HADHA: variants seen among roughly 807,000 people sequenced by gnomAD.
The protein encoded by HADHA is hydroxyacyl-CoA dehydrogenase trifunctional multienzyme complex subunit alpha.
A neutral mutation model predicts 91.3 loss-of-function variants in HADHA; 59 were observed. The ratio of observed to expected loss-of-function variants is 0.65; its 90% CI spans 0.52 to 0.80. The LOEUF is 0.80. HADHA is among the 30% of genes least tolerant of loss of function. HADHA has a pLI of 0.00. For missense variants in HADHA, 800 were observed against 927.6 expected, an observed-to-expected ratio of 0.86 and a Z score of 1.79; for synonymous variants, 320 against 338.9, an observed-to-expected ratio of 0.94 and a Z score of 0.61.
At chr2:26,200,685 T>C (rs1669806364) in intron 13 of HADHA, among the ~76,000 whole-genome samples, 1 of 152,178 alleles carries the variant, frequency 6.6e-6, no homozygotes, top group Non-Finnish European at 1.5e-5. Context: ...TTATAACATA[T>C]GCAGTGTGCA....
In HADHA at chr2:26,222,175, C is replaced by T. The variant is rs536023498; in HGVS notation, c.677-7000G>A. Among the ~76,000 whole-genome samples, 3 of 152,148 alleles carry T rather than the reference C, an allele frequency of 2.0e-5. No individual in the cohort carries two copies. In the South Asian group the frequency reaches 6.2e-4, roughly 32 times the overall value. On this transcript the variant is annotated intron_variant, in intron 7 of 19. Transcript: ENST00000380649. ...CTTATGAGAAGAAAAAATTTGGAAA[C>T]ACAAAAGAGATGCCAGGGATGTGCA... is the stretch of plus-strand genomic sequence containing the variant.
intron 16 of HADHA, 112 bp downstream of exon 16, chr2:26,194,458 G>C: frequency 1.3e-6 from 1 of 769,948 alleles, no homozygotes; most frequent in Non-Finnish European, 2.3e-6. Flanking sequence ...TCCTAGACAA[G>C]AGCAGGAGTT....
intron 19 of HADHA, 23 bp from the exon 20 acceptor site, chr2:26,191,418 G>A (rs1055722662): frequency 1.2e-5 from 19 of 1,614,052 alleles, no homozygotes; most frequent in African/African-American, 8.0e-5. Context: ...AGAGGACTTC[G>A]TTGAAGGAGA....
chr2:26,240,496 T>C (rs1231249373), intron 1 of HADHA, among the ~76,000 whole-genome samples: 1 of 152,064 alleles, frequency 6.6e-6, no homozygotes, highest in East Asian at 1.9e-4. Context: ...AGGGGATAGG[T>C]AATTCTAGCA....
chr2:26,241,044 T>G (rs1013669723), intron 1 of HADHA, among the ~76,000 whole-genome samples: 1 of 152,186 alleles, frequency 6.6e-6, no homozygotes, highest in African/African-American at 2.4e-5. Flanking sequence ...ACTACCTAAC[T>G]GCAGAGCTTA....
Position 26,214,623 on chromosome 2 carries a change from T to C in HADHA, c.800-62A>G. On this transcript the variant is annotated intron_variant, in intron 8 of 19. Coordinates refer to ENST00000380649, the MANE Select transcript of HADHA (RefSeq NM_000182.5). The surrounding 1 kb of genome is among the most constrained non-coding windows in gnomAD (Gnocchi z 4.1). ...GAGCCTAGATTCCCTTGTTAGTTTA[T>C]GCTCTAAACTCTATAAAAATGAAGT... The C allele has an allele frequency of 1.2e-6, 1 of 868,712 alleles. No individual in the cohort carries two copies. The highest frequency in any genetic ancestry group is 2.4e-5 in the East Asian group (1 of 41,548). 53.8% of individuals were successfully genotyped at this position (868,712 alleles called of 1,614,324 possible). A position where few individuals can be genotyped will look rare whatever the true frequency, so the allele number is the denominator to read the frequency against.
chr2:26,206,521 A>G (rs71441017), intron 11 of HADHA, among the ~76,000 whole-genome samples: 1 of 152,136 alleles, frequency 6.6e-6, no homozygotes, highest in Non-Finnish European at 1.5e-5. Context: ...AAGCCACCAC[A>G]CCTGGCCAAA....
At chr2:26,234,490 A>G (rs1574625285) in intron 4 of HADHA, 135 bp from the exon 5 acceptor site, 2 of 814,460 alleles carry the variant, frequency 2.5e-6, no homozygotes, top group East Asian at 5.3e-5. Flanking sequence ...AAGGTTAAGA[A>G]TGATTTTGCT....
At chr2:26,213,195 A>G (rs1313113505) in intron 9 of HADHA, among the ~76,000 whole-genome samples, 1 of 152,184 alleles carries the variant, frequency 6.6e-6, no homozygotes, top group Non-Finnish European at 1.5e-5. Flanking sequence ...TCTGAACTCA[A>G]TATATCTGAA....
chr2:26,214,373 G>A lies in HADHA; in HGVS notation c.918+70C>T. The stretch of plus-strand genomic sequence containing the variant: ...TACTCAACATACATGGTCCAGAATG[G>A]CAATAAGGAGGAGTGATCTATATAA... On this transcript the variant is annotated intron_variant, in intron 9 of 19. Coordinates refer to ENST00000380649, the MANE Select transcript of HADHA (RefSeq NM_000182.5). The surrounding 1 kb of genome is among the most constrained non-coding windows in gnomAD (Gnocchi z 4.1). The A allele has an allele frequency of 2.4e-6, 2 of 816,426 alleles. No homozygotes were observed. The highest frequency in any genetic ancestry group is 4.4e-6 in the Non-Finnish European group (2 of 452,976). 50.6% of individuals were successfully genotyped at this position (816,426 alleles called of 1,614,324 possible).
chr2:26,240,186 T>A (rs916722933), intron 1 of HADHA, among the ~76,000 whole-genome samples: 1 of 152,236 alleles, frequency 6.6e-6, no homozygotes, highest in African/African-American at 2.4e-5. Flanking sequence ...CTGTAGCAGG[T>A]GTTTCACCAA....
At chr2:26,228,598 C>G (rs2147778836) in intron 7 of HADHA, among the ~76,000 whole-genome samples, 1 of 152,284 alleles carries the variant, frequency 6.6e-6, no homozygotes, top group East Asian at 1.9e-4. Context: ...CTGATATATG[C>G]AACAGTATGG....
chr2:26,232,045 A>G (rs1406315155), intron 6 of HADHA, 115 bp downstream of exon 6: 4 of 785,984 alleles, frequency 5.1e-6, no homozygotes, highest in Non-Finnish European at 9.2e-6. Flanking sequence ...GATCCTGTAC[A>G]CTCATATTTT....
intron 14 of HADHA, among the ~76,000 whole-genome samples, chr2:26,195,777 A>G (rs1457451748): frequency 6.6e-6 from 1 of 152,176 alleles, no homozygotes; most frequent in Non-Finnish European, 1.5e-5. Context: ...CCCAACAAGC[A>G]CTGTCATCAC....
At chr2:26,193,095 T>C (rs1445355714) in intron 17 of HADHA, among the ~76,000 whole-genome samples, 1 of 152,052 alleles carries the variant, frequency 6.6e-6, no homozygotes, top group African/African-American at 2.4e-5. Flanking sequence ...TACATTCTCC[T>C]CACAGGTGGC....
In HADHA at chr2:26,197,683, G is replaced by A. The variant is rs764385972; in HGVS notation, c.1479+8C>T. Reference sequence around the variant, plus strand: ...ACATCTCAGGGTTTTTCTCTGTTCCGAGTTTACCTTCTCAGGTCTTTTGCT... The same window carrying A: ...ACATCTCAGGGTTTTTCTCTGTTCCAAGTTTACCTTCTCAGGTCTTTTGCT... On this transcript the variant is annotated splice_region_variant and intron_variant, in intron 14 of 19. Coordinates refer to ENST00000380649, the MANE Select transcript of HADHA (RefSeq NM_000182.5). 8 of 1,279,520 alleles carry A rather than the reference G, an allele frequency of 6.3e-6. No homozygotes were observed. Among genetic ancestry groups the A allele is most frequent in the African/African-American group, 5.8e-5 (4 of 68,684 alleles). The allele number at this position is 1,279,520 out of a possible 1,614,324, so 79.3% of individuals were successfully genotyped here. A position where few individuals can be genotyped will look rare whatever the true frequency, so the allele number is the denominator to read the frequency against.
chr2:26,231,968 CAAAA>C (rs70950177), intron 6 of HADHA, among the ~76,000 whole-genome samples, 188 bp downstream of exon 6: 1 of 92,448 alleles, frequency 1.1e-5, no homozygotes, highest in Non-Finnish European at 2.1e-5. Context: ...GATTTTGTCT[CAAAA>C]AAAAAAAAAA....
intron 6 of HADHA, among the ~76,000 whole-genome samples, chr2:26,231,772 GC>G (rs1670629091): frequency 6.6e-6 from 1 of 151,868 alleles, no homozygotes; most frequent in Non-Finnish European, 1.5e-5. Flanking sequence ...TTCAAGACCA[GC>G]CTGGCCAACA....
chr2:26,210,341 C>T lies in HADHA; in HGVS notation c.976-452G>A, dbSNP rs1416760250. On this transcript the variant is annotated intron_variant, in intron 10 of 19. Transcript: ENST00000380649. This position sits in a 1 kb window ranked among gnomAD's most constrained non-coding sequence, Gnocchi z 4.0. ...GAACTTGAACCAAGACAGTATGACT[C>T]TGAACTCCAGTTCTTTTTTTTTGAG... Among the ~76,000 whole-genome samples, 1 of 152,168 alleles carries T rather than the reference C, an allele frequency of 6.6e-6. No individual in the cohort carries two copies. The highest frequency in any genetic ancestry group is 1.5e-5 in the Non-Finnish European group (1 of 68,018).
Sources: allele counts gnomAD v4.1 joint callset (sites outside exome capture counted in the v4.1 genomes callset), GRCh38; gene constraint gnomAD v4.1.1; non-coding constraint Gnocchi (gnomAD v3.1); transcripts MANE v1.5; gene names NCBI Gene and HGNC (gene_info 2026-07-23, HGNC 2026-07-21).